Variants in USH2A observed in about 807,000 individuals in gnomAD.
USH2A encodes Usher syndrome 2A (autosomal recessive, mild).
In USH2A, 443 loss-of-function variants were observed where a neutral mutation model predicts 538.9. The observed-to-expected ratio is 0.82, with a 90% CI of 0.76 to 0.89. The LOEUF is 0.89. Ranked by LOEUF, USH2A falls within the 40% of genes least tolerant of loss-of-function variation. The probability of loss-of-function intolerance (pLI) is 0.00; values close to 1 mark genes in which losing one functional copy is unlikely to be tolerated. For synonymous variants in USH2A, 2,413 were observed against 2,273.5 expected (o/e 1.06, Z -1.75); for missense variants, 6,633 against 6,324.8 (o/e 1.05, Z -1.65).
rs1027339654 is a variant in USH2A, at chr1:215,807,091, A to C, written c.9739+6645T>G. Among the ~76,000 whole-genome samples the C allele has an allele frequency of 1.4e-4, 21 of 152,218 alleles. 1 individual carries two copies. The highest frequency in any genetic ancestry group is 5.1e-4 in the African/African-American group (21 of 41,542). On this transcript the variant is annotated intron_variant, in intron 49 of 71. Transcript: ENST00000307340. The stretch of plus-strand genomic sequence containing the variant: ...GGAATGAAGACAACAGATGTGATTA[A>C]GTTTAATAATATGAAGTGAGAAAGG...
At chr1:216,204,199 C>G (rs1463889765) in intron 16 of USH2A, 1 of 152,534 alleles carries the variant, frequency 6.6e-6, no homozygotes, top group Non-Finnish European at 1.5e-5. Flanking sequence ...GCAACACTAA[C>G]AGAAGAGTGC....
chr1:215,782,119 C>A lies in USH2A; in HGVS notation c.10663G>T (p.Glu3555Ter). 6.2e-7 allele frequency: 1 copy of A among 1,614,002 alleles called. No homozygotes were observed. The highest frequency in any genetic ancestry group is 8.5e-7 in the Non-Finnish European group (1 of 1,179,914). Residue 3555 changes from glutamate to a stop codon, truncating the protein, a stop_gained, in exon 54 of 72, where the codon GAG becomes TAG. Transcript: ENST00000307340. LOFTEE classifies it high-confidence loss of function. The part of the protein sequence containing the change: ...RGTSLSFSDK[E>*]GIQPFQEYSY... ...TATTCCTGAAATGGTTGAATTCCCT[C>A]TTTATCAGAGAAGCTCAGTGATGTT...
At chr1:216,157,714 A>C (rs1300798487) in intron 21 of USH2A, among the ~76,000 whole-genome samples, 1 of 152,200 alleles carries the variant, frequency 6.6e-6, no homozygotes, top group Admixed American at 6.5e-5. Flanking sequence ...TTAATGCTGG[A>C]ACAATAACCA....
At chr1:216,329,667 C>T (rs2037815681) in intron 4 of USH2A, among the ~76,000 whole-genome samples, 1 of 152,078 alleles carries the variant, frequency 6.6e-6, no homozygotes, top group Admixed American at 6.6e-5. Context: ...CAGGCTCTCT[C>T]AGCCCTAAGG....
chr1:215,761,496 T>TGG (rs2102743852), intron 56 of USH2A, among the ~76,000 whole-genome samples: 1 of 152,336 alleles, frequency 6.6e-6, no homozygotes, highest in African/African-American at 2.4e-5. Flanking sequence ...GTTAGTTCCA[T>TGG]GGTAGCAGGG....
At chr1:216,363,166 G>T (rs1023122112) in intron 4 of USH2A, among the ~76,000 whole-genome samples, 1 of 151,880 alleles carries the variant, frequency 6.6e-6, no homozygotes, top group African/African-American at 2.4e-5. Context: ...TTAAAATCCA[G>T]CCCCATGCCC....
In USH2A at chr1:216,199,150, G is replaced by T. The variant is rs187928465; in HGVS notation, c.3811+477C>A. ...AATGATTAAAAATCTGTGAATGTGT[G>T]TCTGGCCTATATAACCAAGGGTTCA... On this transcript the variant is annotated intron_variant, in intron 17 of 71. Coordinates refer to ENST00000307340, the MANE Select transcript of USH2A (RefSeq NM_206933.4). Among the ~76,000 whole-genome samples, 66 of 152,286 alleles carry T rather than the reference G, an allele frequency of 4.3e-4. 1 individual carries two copies. In the East Asian group the frequency reaches 0.01, roughly 24 times the overall value.
intron 63 of USH2A, 71 bp downstream of exon 63, chr1:215,674,029 T>C: frequency 2.5e-6 from 4 of 1,612,914 alleles, no homozygotes; most frequent in Middle Eastern, 1.7e-4. Flanking sequence ...TCATTAGAAC[T>C]GACCAAGGGC....
At chr1:215,639,081 G>A (rs900022064) in intron 69 of USH2A, 74 bp downstream of exon 69, 1 of 1,359,528 alleles carries the variant, frequency 7.4e-7, no homozygotes, top group African/African-American at 1.4e-5. Flanking sequence ...CTCCAAGTAT[G>A]TATAAACAAA....
At chr1:215,868,253 A>T (rs915683964) in intron 43 of USH2A, among the ~76,000 whole-genome samples, 2 of 152,174 alleles carry the variant, frequency 1.3e-5, no homozygotes, top group Admixed American at 6.5e-5. Flanking sequence ...TGTGTTAAAT[A>T]ATTTGACCAA....
chr1:215,998,767 C>T (rs1361431817), intron 34 of USH2A, 120 bp downstream of exon 34: 1 of 1,060,528 alleles, frequency 9.4e-7, no homozygotes, highest in Non-Finnish European at 1.4e-6. Flanking sequence ...GTATAAACAG[C>T]AATACATGAA....
chr1:216,372,591 G>A (rs1472686411), intron 3 of USH2A, among the ~76,000 whole-genome samples: 2 of 151,664 alleles, frequency 1.3e-5, no homozygotes, highest in Non-Finnish European at 2.9e-5. Flanking sequence ...GTCCTATCTT[G>A]ACTGGATGTG....
At chr1:216,323,421 T>C in intron 8 of USH2A, 53 bp downstream of exon 8, 1 of 1,565,044 alleles carries the variant, frequency 6.4e-7, no homozygotes, top group Non-Finnish European at 8.8e-7. Context: ...AATGTGCTGT[T>C]AAGACAGTAA....
At chr1:215,705,396 T>C (rs1415132812) in intron 61 of USH2A, among the ~76,000 whole-genome samples, 1 of 152,222 alleles carries the variant, frequency 6.6e-6, no homozygotes. Flanking sequence ...TCAATGTGTG[T>C]GTCGTACCAA....
chr1:216,281,951 T>C (rs2036791026), intron 11 of USH2A, among the ~76,000 whole-genome samples: 1 of 141,846 alleles, frequency 7.0e-6, no homozygotes, highest in Non-Finnish European at 1.5e-5. Context: ...TGCATTTCCC[T>C]GATGACTAAT....
chr1:216,104,032 G>C (rs1263353348), intron 21 of USH2A, among the ~76,000 whole-genome samples: 1 of 151,724 alleles, frequency 6.6e-6, no homozygotes, highest in Non-Finnish European at 1.5e-5. Context: ...TCCAGTCTTT[G>C]ACTTACCTTT....
At chr1:215,696,823 C>T (rs1435870407) in intron 61 of USH2A, among the ~76,000 whole-genome samples, 4 of 152,202 alleles carry the variant, frequency 2.6e-5, no homozygotes, top group Admixed American at 2.6e-4. Flanking sequence ...ATGATGGAGC[C>T]ACTGCACTCC....
At chr1:215,804,308 T>G (rs2102784217) in intron 49 of USH2A, among the ~76,000 whole-genome samples, 1 of 151,998 alleles carries the variant, frequency 6.6e-6, no homozygotes, top group South Asian at 2.1e-4. Flanking sequence ...CTCAAGAGCT[T>G]CTGCACAGCA....
At chr1:216,368,220 T>A (rs2038636426) in intron 3 of USH2A, among the ~76,000 whole-genome samples, 1 of 152,018 alleles carries the variant, frequency 6.6e-6, no homozygotes. Flanking sequence ...TTTTTTTTTT[T>A]TAAGTAGAAT....
Sources: gnomAD v4.1 joint callset for allele counts (sites outside exome capture counted in the v4.1 genomes callset) on GRCh38, gnomAD v4.1.1 for gene constraint, MANE v1.5 for transcripts, NCBI Gene and HGNC (gene_info 2026-07-23, HGNC 2026-07-21) for gene names.